CCDC157: variants seen among roughly 807,000 people sequenced by gnomAD.
The protein encoded by CCDC157 is coiled-coil domain-containing protein 157.
Under a neutral mutation model 70.9 loss-of-function variants are expected in CCDC157, and 60 were observed. The ratio of observed to expected loss-of-function variants is 0.85; its 90% CI spans 0.69 to 1.05. CCDC157 has a LOEUF of 1.05. Ranked by LOEUF, CCDC157 falls within the 50% of genes least tolerant of loss-of-function variation. The pLI is 0.00. For synonymous variants in CCDC157, 373 were observed against 422.4 expected, an observed-to-expected ratio of 0.88 and a Z score of 1.43; for missense variants, 943 against 984.2, an observed-to-expected ratio of 0.96 and a Z score of 0.56.
upstream of CCDC157, chr22:30,356,991 C>T (rs958459899): frequency 1.8e-5 from 8 of 448,702 alleles, no homozygotes; most frequent in Middle Eastern, 5.9e-4. Context: ...CCGCGGGCAC[C>T]GCGGCGTCCG....
At chr22:30,360,156 A>G (rs1458564016) in intron 1 of CCDC157, among the ~76,000 whole-genome samples, 2 of 152,198 alleles carry the variant, frequency 1.3e-5, no homozygotes, top group Non-Finnish European at 2.9e-5. Flanking sequence ...AAAAATAAAT[A>G]AATGAAATAA....
In CCDC157 at chr22:30,366,006, G is replaced by T; in HGVS notation, c.6G>T (p.Ala2=). 1.9e-6 allele frequency: 3 copies of T among 1,592,678 alleles called. No individual in the cohort carries two copies. The highest frequency in any genetic ancestry group is 2.6e-6 in the Non-Finnish European group (3 of 1,175,820). M[A]HLLGSQACME... ...TCACCCCAGGATCTGTGAGGATGGC[G>T]CACCTGCTGGGCAGCCAGGCCTGCA... Residue 2 remains alanine, a synonymous_variant, in exon 3 of 12, where the codon GCG becomes GCT. Coordinates refer to ENST00000338306, the MANE Select transcript of CCDC157 (RefSeq NM_001017437.5).
At chr22:30,358,755 C>T (rs1019260375) in intron 1 of CCDC157, among the ~76,000 whole-genome samples, 2 of 152,204 alleles carry the variant, frequency 1.3e-5, no homozygotes, top group Admixed American at 6.5e-5. Flanking sequence ...AGCTGCTGCT[C>T]CTCCCTAAGG....
intron 2 of CCDC157, among the ~76,000 whole-genome samples, chr22:30,363,648 C>A (rs1257826593): frequency 3.4e-5 from 5 of 146,388 alleles, no homozygotes; most frequent in Non-Finnish European, 6.0e-5. Context: ...TTGTACATTT[C>A]AAAATAGCTA....
rs1470371157 is a variant in CCDC157, at chr22:30,372,183, T to C, written c.1232T>C (p.Leu411Pro). The C allele has an allele frequency of 1.3e-6, 2 of 1,586,664 alleles. No homozygotes were observed. ...CAGCAGTTGGAGGCGCAGGTGCAGC[T>C]GTTGGTGGGTCGGCTGGAGGGCGCT... ...QVQQLEAQVQ[L>P]LVGRLEGAGQ... The change falls in exon 7 of 12, where the codon CTG becomes CCG. Residue 411 changes from leucine (L) to proline (P), a missense_variant. Transcript: ENST00000338306.
At chr22:30,374,875 G>C in intron 9 of CCDC157, 1 of 380,244 alleles carries the variant, frequency 2.6e-6, no homozygotes, top group South Asian at 1.9e-5. Flanking sequence ...ACCTTGGACA[G>C]CTCACTTTGG....
Position 30,376,661 on chromosome 22 carries a change from G to A in CCDC157, c.2175G>A (p.Lys725=). The A allele has an allele frequency of 3.1e-6, 5 of 1,613,830 alleles. No individual in the cohort carries two copies. Among genetic ancestry groups the A allele is most frequent in the Admixed American group, 1.7e-5 (1 of 60,032 alleles). The change falls in exon 12 of 12, where the codon AAG becomes AAA. Residue 725 remains lysine (K), a synonymous_variant. Coordinates refer to ENST00000338306, the MANE Select transcript of CCDC157 (RefSeq NM_001017437.5). ...HLDTCTQNPI[K]VLVRLRKRLS... ...ACACCTGCACCCAGAACCCCATCAAGGTCTTGGTCAGGCTGAGAAAGAGAC... is the reference window on the plus strand; with the variant it reads ...ACACCTGCACCCAGAACCCCATCAAAGTCTTGGTCAGGCTGAGAAAGAGAC...
At chr22:30,361,436 T>C in intron 1 of CCDC157, among the ~76,000 whole-genome samples, 1 of 152,022 alleles carries the variant, frequency 6.6e-6, no homozygotes, top group East Asian at 1.9e-4. Context: ...GGTCACAGAC[T>C]GACCTTCCTG....
At chr22:30,375,313 A>G (rs76162159) in intron 9 of CCDC157, 166 bp from the exon 10 acceptor site, 6,919 of 630,274 alleles carry the variant, frequency 0.011, 144 homozygotes, top group East Asian at 0.057. Flanking sequence ...TTATAATACT[A>G]TGGTCATCTT....
At chr22:30,365,415 T>C (rs941660095) in intron 2 of CCDC157, among the ~76,000 whole-genome samples, 1 of 151,972 alleles carries the variant, frequency 6.6e-6, no homozygotes, top group Non-Finnish European at 1.5e-5. Context: ...TGGAGGTGGC[T>C]TTTCTTCCAC....
chr22:30,368,599 A>G (rs1007965052), intron 3 of CCDC157, among the ~76,000 whole-genome samples: 1 of 152,196 alleles, frequency 6.6e-6, no homozygotes, highest in African/African-American at 2.4e-5. Flanking sequence ...CACCATGGCA[A>G]GTGCTGTTGT....
rs533431738 is a variant in CCDC157 at position 30,372,413 on chromosome 22, G to A, written c.1335+127G>A. 3.6e-5 allele frequency: 47 copies of A among 1,293,992 alleles called. 1 individual carries two copies. In the South Asian group the frequency reaches 6.8e-4, roughly 19 times the overall value. 80.2% of individuals were successfully genotyped at this position (1,293,992 alleles called of 1,614,324 possible). A position where few individuals can be genotyped will look rare whatever the true frequency, so the allele number is the denominator to read the frequency against. On this transcript the variant is annotated intron_variant, in intron 7 of 11. Coordinates refer to ENST00000338306, the MANE Select transcript of CCDC157 (RefSeq NM_001017437.5). The stretch of plus-strand genomic sequence containing the variant: ...GCTCCCTGAGATGCCTCCAGGTGTG[G>A]GGGTTGACTCACCTTTACAGAGAGT...
chr22:30,373,913 T>A lies in CCDC157; in HGVS notation c.1504-10T>A. On this transcript the variant is annotated splice_polypyrimidine_tract_variant and intron_variant, in intron 8 of 11. Transcript: ENST00000338306. ...CTCAGGAGCCAGGCCTGAGCCTCCGTCTGTCCCAGGAGCTGCTGCAGAGCC... is the reference window on the plus strand; with the variant it reads ...CTCAGGAGCCAGGCCTGAGCCTCCGACTGTCCCAGGAGCTGCTGCAGAGCC... 1 of 1,604,174 alleles carries A rather than the reference T, an allele frequency of 6.2e-7. No individual in the cohort carries two copies. The highest frequency in any genetic ancestry group is 2.2e-5 in the East Asian group (1 of 44,528).
In CCDC157 at chr22:30,376,879, G is replaced by A. The variant is rs1933405958; in HGVS notation, c.*134G>A. ...CCAAGGAAAGAACCCTTCCTTCCCT[G>A]TCCTGGGCAGGGGCCACTGAGTCCC... On this transcript the variant is annotated 3_prime_UTR_variant, in exon 12 of 12. Coordinates refer to ENST00000338306, the MANE Select transcript of CCDC157 (RefSeq NM_001017437.5). 7.7e-6 allele frequency: 7 copies of A among 910,482 alleles called. No individual in the cohort carries two copies. The highest frequency in any genetic ancestry group is 6.7e-5 in the African/African-American group (4 of 60,020). The allele number at this position is 910,482 out of a possible 1,614,324, so 56.4% of individuals were successfully genotyped here. A position where few individuals can be genotyped will look rare whatever the true frequency, so the allele number is the denominator to read the frequency against.
chr22:30,372,037 C>A, intron 6 of CCDC157, 38 bp from the exon 7 acceptor site: 1 of 1,380,698 alleles, frequency 7.2e-7, no homozygotes, highest in Non-Finnish European at 1.0e-6. Flanking sequence ...ACAGCGCTCC[C>A]CTGCCCTACC....
rs1931932606 is a variant in CCDC157 at position 30,357,121 on chromosome 22, C to T, written c.-177C>T. The T allele has an allele frequency of 3.7e-6, 1 of 270,950 alleles. No individual in the cohort carries two copies. Among genetic ancestry groups the T allele is most frequent in the Non-Finnish European group, 6.9e-6 (1 of 144,920 alleles). 16.8% of individuals were successfully genotyped at this position (270,950 alleles called of 1,614,324 possible). A position where few individuals can be genotyped will look rare whatever the true frequency, so the allele number is the denominator to read the frequency against. On this transcript the variant is annotated 5_prime_UTR_variant, in exon 1 of 12. It adds an upstream start codon to the 5' untranslated region. Coordinates refer to ENST00000338306, the MANE Select transcript of CCDC157 (RefSeq NM_001017437.5). Reference sequence around the variant, plus strand: ...CCAGACACGAAGGCTGAAGCCGCGACGCCGAAGACAGGTGAGATGTTGTAC... The same window carrying T: ...CCAGACACGAAGGCTGAAGCCGCGATGCCGAAGACAGGTGAGATGTTGTAC...
chr22:30,369,665 C>A, intron 4 of CCDC157, 62 bp downstream of exon 4: 1 of 1,305,280 alleles, frequency 7.7e-7, no homozygotes, highest in Non-Finnish European at 1.0e-6. Flanking sequence ...ACTGTGGTGG[C>A]CTTCACACCT....
rs769223906 is a variant in CCDC157, at chr22:30,372,214, G to T, written c.1263G>T (p.Gln421His). Residue 421 changes from glutamine (Q) to histidine (H), a missense_variant, in exon 7 of 12, where the codon CAG becomes CAT. By Grantham distance (24) the Gln-to-His change is conservative (BLOSUM62 0). Coordinates refer to ENST00000338306, the MANE Select transcript of CCDC157 (RefSeq NM_001017437.5). ...LLVGRLEGAG[Q>H]QVCWASTELD... The stretch of plus-strand genomic sequence containing the variant: ...TGGGTCGGCTGGAGGGCGCTGGCCA[G>T]CAGGTCTGCTGGGCCAGCACGGAGC... 3.1e-6 allele frequency: 5 copies of T among 1,595,880 alleles called. No individual in the cohort carries two copies. The South Asian group carries it at 5.7e-5, about 18-fold the overall frequency.
Position 30,377,201 on chromosome 22 carries a change from T to G in CCDC157, c.*456T>G. On this transcript the variant is annotated 3_prime_UTR_variant, in exon 12 of 12. Coordinates refer to ENST00000338306, the MANE Select transcript of CCDC157 (RefSeq NM_001017437.5). ...GCAGAGGGCAGCAACGCCTTCAGCC[T>G]CCCACCCTGGCTCTGGACCTGCGCT... 1 of 188,070 alleles carries G rather than the reference T, an allele frequency of 5.3e-6. No homozygotes were observed. The highest frequency in any genetic ancestry group is 1.1e-5 in the Non-Finnish European group (1 of 88,644). 11.7% of individuals were successfully genotyped at this position (188,070 alleles called of 1,614,324 possible). A position where few individuals can be genotyped will look rare whatever the true frequency, so the allele number is the denominator to read the frequency against.
Sources: gnomAD v4.1 joint callset for allele counts (sites outside exome capture counted in the v4.1 genomes callset) on GRCh38, gnomAD v4.1.1 for gene constraint, MANE v1.5 for transcripts, NCBI Gene and HGNC (gene_info 2026-07-23, HGNC 2026-07-21) for gene names.